Variants in CLCC1 observed in about 807,000 individuals in gnomAD.
The protein encoded by CLCC1 is chloride channel CLIC like 1, also known as chloride channel CLIC-like protein 1.
CLCC1 carries 39 observed loss-of-function variants against 63.3 expected under a neutral mutation model. The ratio of observed to expected loss-of-function variants is 0.62; its 90% CI spans 0.48 to 0.81. The LOEUF (loss-of-function observed/expected upper bound fraction) is 0.81, where lower values mean the gene tolerates loss of function less well. Among genes scored for constraint, CLCC1 ranks in the 30% least tolerant of loss-of-function variants. CLCC1 has a pLI of 0.00. For missense variants in CLCC1, 549 were observed against 669.4 expected, an observed-to-expected ratio of 0.82 and a Z score of 1.98; for synonymous variants, 217 against 239.8, an observed-to-expected ratio of 0.90 and a Z score of 0.88.
chr1:108,929,802 G>A lies in CLCC1; in HGVS notation c.*2745C>T. The A allele has an allele frequency of 6.2e-7, 1 of 1,614,070 alleles. No individual in the cohort carries two copies. Among genetic ancestry groups the A allele is most frequent in the Non-Finnish European group, 8.5e-7 (1 of 1,179,976 alleles). ...TTTTCAGCCTTATTTTACGGTCCCAGGGAAAGAGAATGGATGAACAGAGAG... is the reference window on the plus strand; with the variant it reads ...TTTTCAGCCTTATTTTACGGTCCCAAGGAAAGAGAATGGATGAACAGAGAG... On this transcript the variant is annotated 3_prime_UTR_variant, in exon 13 of 13. Coordinates refer to ENST00000369969, the MANE Select transcript of CLCC1 (RefSeq NM_001377458.1).
chr1:108,929,958 T>C lies in CLCC1; in HGVS notation c.*2589A>G. On this transcript the variant is annotated 3_prime_UTR_variant, in exon 13 of 13. Coordinates refer to ENST00000369969, the MANE Select transcript of CLCC1 (RefSeq NM_001377458.1). ...ACCATTAGTTACTATGGATTTATTT[T>C]TTTTCCTTTCAAACACGGTAAGGAA... The C allele has an allele frequency of 6.2e-7, 1 of 1,609,214 alleles. No homozygotes were observed. Among genetic ancestry groups the C allele is most frequent in the South Asian group, 1.1e-5 (1 of 90,818 alleles).
chr1:108,944,634 T>G (rs1192390322), intron 5 of CLCC1, among the ~76,000 whole-genome samples: 1 of 151,828 alleles, frequency 6.6e-6, no homozygotes, highest in African/African-American at 2.4e-5. Flanking sequence ...GTAGTTATCG[T>G]CTTTTTTTTT....
rs115912291 is a variant in CLCC1, at chr1:108,956,023, C to G, written c.-11-5575G>C. 5.3e-3 allele frequency among the ~76,000 whole-genome samples: 801 copies of G among 151,636 alleles called. 52 individuals are homozygous for G. Among genetic ancestry groups the G allele is most frequent in the African/African-American group, 0.018 (754 of 40,906 alleles). ...ATATGAGCTAATTCCCCTAATAAATCCCCTCTCATCCATCCATCCTCCCAC... is the reference window on the plus strand; with the variant it reads ...ATATGAGCTAATTCCCCTAATAAATGCCCTCTCATCCATCCATCCTCCCAC... On this transcript the variant is annotated intron_variant, in intron 2 of 12. Transcript: ENST00000369969.
At chr1:108,933,133 G>A (rs1652299836) in intron 12 of CLCC1, 1 of 151,102 alleles carries the variant, frequency 6.6e-6, no homozygotes, top group South Asian at 2.1e-4. Flanking sequence ...CTGTAGGCAT[G>A]AGCCACTGCA....
At chr1:108,942,148 G>C (rs1288581937) in intron 7 of CLCC1, among the ~76,000 whole-genome samples, 1 of 152,148 alleles carries the variant, frequency 6.6e-6, no homozygotes, top group Non-Finnish European at 1.5e-5. Flanking sequence ...TGAGGCAAGA[G>C]AATCGCTTGA....
chr1:108,963,091 T>TGCCCTACG (rs1656879069), intron 1 of CLCC1, among the ~76,000 whole-genome samples: 1 of 152,226 alleles, frequency 6.6e-6, no homozygotes, highest in African/African-American at 2.4e-5. Flanking sequence ...GCCCTCGCTG[T>TGCCCTACG]GCCTTCTCCG....
Position 108,941,425 on chromosome 1 carries a change from T to C in CLCC1, c.776A>G (p.Asp259Gly), listed in dbSNP as rs1458347719. 1 of 1,614,018 alleles carries C rather than the reference T, an allele frequency of 6.2e-7. No homozygotes were observed. ...CTTACCCCAGATACTTCCAGTCCAG[T>C]CCATCTTTTTGGCACACACATTGTT... ...PLNNVCAKKM[D>G]WTGSIWEWFR... is the part of the protein sequence containing the mutation. Residue 259 changes from aspartate (D) to glycine (G), a missense_variant, in exon 8 of 13, where the codon GAC becomes GGC. Asp to Gly is a moderately conservative substitution (Grantham distance 94). Coordinates refer to ENST00000369969, the MANE Select transcript of CLCC1 (RefSeq NM_001377458.1).
intron 5 of CLCC1, among the ~76,000 whole-genome samples, chr1:108,945,928 C>T (rs981806940): frequency 4.0e-5 from 6 of 151,596 alleles, no homozygotes; most frequent in African/African-American, 1.2e-4. Flanking sequence ...TTTGGGAGGC[C>T]GAGGCGGTCA....
intron 2 of CLCC1, among the ~76,000 whole-genome samples, chr1:108,961,617 T>C (rs543917864): frequency 6.6e-6 from 1 of 152,284 alleles, no homozygotes; most frequent in African/African-American, 2.4e-5. Flanking sequence ...CCCAGCACCT[T>C]GGGAGGCCAA....
chr1:108,958,859 G>A (rs571210277), intron 2 of CLCC1, among the ~76,000 whole-genome samples: 18 of 143,852 alleles, frequency 1.3e-4, no homozygotes, highest in South Asian at 2.2e-4. Context: ...TAGCCAGGGC[G>A]ACAGAGCGAG....
chr1:108,954,352 A>G (rs1010390222), intron 2 of CLCC1, among the ~76,000 whole-genome samples: 1 of 150,774 alleles, frequency 6.6e-6, no homozygotes, highest in Admixed American at 6.6e-5. Flanking sequence ...AAAATTAGCC[A>G]GGCGTGGTGG....
chr1:108,950,225 G>T, intron 3 of CLCC1, 84 bp downstream of exon 3: 2 of 1,347,296 alleles, frequency 1.5e-6, no homozygotes, highest in South Asian at 2.8e-5. Flanking sequence ...GACCCTCATA[G>T]CTCTGTGCAA....
intron 2 of CLCC1, among the ~76,000 whole-genome samples, chr1:108,955,593 A>G (rs1655783873): frequency 6.6e-6 from 1 of 151,518 alleles, no homozygotes; most frequent in South Asian, 2.1e-4. Context: ...AGAGAACTGC[A>G]AAGCATTCCT....
rs184494360 is a variant in CLCC1, at chr1:108,940,707, C to T, written c.797-565G>A. ...AATTTTTCCAAATCAGGCTTATATA[C>T]GTTGGGAAACTAGCCTGAGCTAGAG... On this transcript the variant is annotated intron_variant, in intron 8 of 12. Coordinates refer to ENST00000369969, the MANE Select transcript of CLCC1 (RefSeq NM_001377458.1). Among the ~76,000 whole-genome samples the T allele has an allele frequency of 2.9e-3, 438 of 152,280 alleles. 3 individuals carry two copies. Among genetic ancestry groups the T allele is most frequent in the African/African-American group, 9.5e-3 (396 of 41,546 alleles).
In CLCC1 at chr1:108,944,037, A is replaced by G; in HGVS notation, c.360T>C (p.Asp120=). 1 of 1,597,940 alleles carries G rather than the reference A, an allele frequency of 6.3e-7. No individual in the cohort carries two copies. Among genetic ancestry groups the G allele is most frequent in the Non-Finnish European group, 8.5e-7 (1 of 1,173,760 alleles). ...KLGLPDENKG[D]MHYDAEIILK... Reference sequence around the variant, plus strand: ...GGATAATCTCAGCATCATAATGCATATCGCCTTTGTTTTCATCAGGCTAAA... The same window carrying G: ...GGATAATCTCAGCATCATAATGCATGTCGCCTTTGTTTTCATCAGGCTAAA... Residue 120 remains aspartate, a synonymous_variant, in exon 6 of 13, where the codon GAT becomes GAC. Transcript: ENST00000369969.
chr1:108,939,463 C>T (rs566111604), intron 10 of CLCC1, among the ~76,000 whole-genome samples, 173 bp downstream of exon 10: 11 of 151,502 alleles, frequency 7.3e-5, no homozygotes, highest in South Asian at 4.2e-4. Context: ...CCCGCCACCA[C>T]GCCCGGCTAA....
At chr1:108,963,227 A>G in intron 1 of CLCC1, 134 bp downstream of exon 1, 1 of 581,262 alleles carries the variant, frequency 1.7e-6, no homozygotes, top group Non-Finnish European at 3.1e-6. Context: ...GCACGCAGCT[A>G]GCACGGTCCC....
rs1460512963 is a variant in CLCC1 at position 108,943,685 on chromosome 1, A to G, written c.562-70T>C. 5.1e-6 allele frequency: 8 copies of G among 1,582,196 alleles called. No individual in the cohort carries two copies. In the South Asian group the frequency reaches 7.9e-5, roughly 16 times the overall value. On this transcript the variant is annotated intron_variant, in intron 6 of 12. Transcript: ENST00000369969. ...GACAGCTAAAAAGAACTGGACTCAAAAGCACAAAATCATTTCTACAATTTT... is the reference window on the plus strand; with the variant it reads ...GACAGCTAAAAAGAACTGGACTCAAGAGCACAAAATCATTTCTACAATTTT...
intron 11 of CLCC1, among the ~76,000 whole-genome samples, chr1:108,936,424 A>G (rs1653004214): frequency 6.6e-6 from 1 of 152,184 alleles, no homozygotes; most frequent in African/African-American, 2.4e-5. Flanking sequence ...AGATATGTTT[A>G]TTTTTATATG....
Sources: allele counts gnomAD v4.1 joint callset (sites outside exome capture counted in the v4.1 genomes callset), GRCh38; gene constraint gnomAD v4.1.1; transcripts MANE v1.5; gene names NCBI Gene and HGNC (gene_info 2026-07-23, HGNC 2026-07-21).